The following COPZ1 variants were observed in gnomAD, a reference collection of about 807,000 sequenced individuals.
COPZ1 encodes coatomer subunit zeta-1.
Under a neutral mutation model 31.7 loss-of-function variants are expected in COPZ1, and 4 were observed. The ratio of observed to expected loss-of-function variants is 0.13; its 90% CI spans 0.06 to 0.29. The LOEUF (loss-of-function observed/expected upper bound fraction) is 0.29, where lower values mean the gene tolerates loss of function less well. Ranked by LOEUF, COPZ1 falls within the 10% of genes least tolerant of loss-of-function variation. The pLI is 1.00. For synonymous variants in COPZ1, 74 were observed against 79.0 expected, an observed-to-expected ratio of 0.94 and a Z score of 0.33; for missense variants, 156 against 211.5, an observed-to-expected ratio of 0.74 and a Z score of 1.63.
rs965324020 is a variant in COPZ1, at chr12:54,351,648, C to T, written c.*1125C>T. On this transcript the variant is annotated 3_prime_UTR_variant, in exon 9 of 9. Coordinates refer to ENST00000262061, the MANE Select transcript of COPZ1 (RefSeq NM_016057.3). ...TCCCCTTGACCCAGAACTTCCTCCC[C>T]ACAAAAATGCCTTTAAAAACCTTCC... 3 of 152,284 alleles carry T rather than the reference C, an allele frequency of 2.0e-5. No individual in the cohort carries two copies. Among genetic ancestry groups the T allele is most frequent in the African/African-American group, 4.8e-5 (2 of 41,538 alleles). 9.4% of individuals were successfully genotyped at this position (152,284 alleles called of 1,614,324 possible). A position where few individuals can be genotyped will look rare whatever the true frequency, so the allele number is the denominator to read the frequency against.
chr12:54,333,242 C>T (rs976521238), intron 1 of COPZ1, among the ~76,000 whole-genome samples: 2 of 151,928 alleles, frequency 1.3e-5, no homozygotes, highest in African/African-American at 2.4e-5. Context: ...GACAGGGTTT[C>T]GCCATGTTGC....
At chr12:54,345,253 G>A (rs559792295) in intron 4 of COPZ1, among the ~76,000 whole-genome samples, 4 of 152,340 alleles carry the variant, frequency 2.6e-5, no homozygotes, top group African/African-American at 9.6e-5. Context: ...GCTAAAAGAT[G>A]TTGAATTGTG....
Position 54,350,731 on chromosome 12 carries a change from C to A in COPZ1, c.*208C>A. On this transcript the variant is annotated 3_prime_UTR_variant, in exon 9 of 9. Transcript: ENST00000262061. The stretch of plus-strand genomic sequence containing the variant: ...TCTTCTTGCAGTTCTGGGAGTAAAG[C>A]TCCCAGCATATTTAGATAATAGGGC... 1.7e-6 allele frequency: 1 copy of A among 595,080 alleles called. No homozygotes were observed. 36.9% of individuals were successfully genotyped at this position (595,080 alleles called of 1,614,324 possible). A position where few individuals can be genotyped will look rare whatever the true frequency, so the allele number is the denominator to read the frequency against.
In COPZ1 at chr12:54,350,520, G is replaced by T. The variant is rs573532743; in HGVS notation, c.531G>T (p.Arg177=). The change falls in exon 9 of 9, where the codon CGG becomes CGT. Residue 177 remains arginine (R), a synonymous_variant. Coordinates refer to ENST00000262061, the MANE Select transcript of COPZ1 (RefSeq NM_016057.3). The stretch of plus-strand genomic sequence containing the variant: ...AACAGATCAAGTGGTCACTCCTTCG[G>T]TGAAGACCTCACTGTTCCTGGCTCT... ...AKEQIKWSLL[R] 3 of 1,613,544 alleles carry T rather than the reference G, an allele frequency of 1.9e-6. No homozygotes were observed. Among genetic ancestry groups the T allele is most frequent in the Admixed American group, 1.7e-5 (1 of 60,020 alleles).
intron 1 of COPZ1, chr12:54,337,079 C>A: frequency 2.3e-6 from 1 of 427,456 alleles, no homozygotes; most frequent in Non-Finnish European, 4.5e-6. Context: ...TTTGCAGCAG[C>A]CTAGTTGCTT....
At chr12:54,330,266 G>A (rs760359622) in intron 1 of COPZ1, among the ~76,000 whole-genome samples, 1 of 152,134 alleles carries the variant, frequency 6.6e-6, no homozygotes, top group Non-Finnish European at 1.5e-5. Context: ...ATTGATTGAA[G>A]TTTAATTTAT....
intron 1 of COPZ1, among the ~76,000 whole-genome samples, chr12:54,333,135 C>T (rs1012582588): frequency 3.3e-5 from 5 of 152,150 alleles, no homozygotes; most frequent in Admixed American, 1.3e-4. Flanking sequence ...TCTCCATCTC[C>T]GGGGTTTAAG....
intron 1 of COPZ1, among the ~76,000 whole-genome samples, chr12:54,334,048 A>G (rs1953809202): frequency 6.6e-6 from 1 of 152,038 alleles, no homozygotes; most frequent in Non-Finnish European, 1.5e-5. Context: ...GTGAGCTGTG[A>G]TGGCACCACT....
intron 5 of COPZ1, among the ~76,000 whole-genome samples, chr12:54,345,860 G>C (rs1954052987): frequency 6.6e-6 from 1 of 151,830 alleles, no homozygotes. Flanking sequence ...GGGAGGCTGA[G>C]GCAGGCGAAT....
chr12:54,345,228 C>G, intron 4 of COPZ1: 3 of 491,916 alleles, frequency 6.1e-6, no homozygotes, highest in Non-Finnish European at 1.1e-5. Context: ...CAGGGAAGTT[C>G]TGTTTAAACT....
At chr12:54,338,834 G>C (rs1331710808) in intron 1 of COPZ1, among the ~76,000 whole-genome samples, 1 of 152,100 alleles carries the variant, frequency 6.6e-6, no homozygotes, top group East Asian at 1.9e-4. Flanking sequence ...AAAAGACTGG[G>C]TTCCTTTTAC....
intron 1 of COPZ1, among the ~76,000 whole-genome samples, chr12:54,326,415 C>A (rs909196694): frequency 6.7e-6 from 1 of 148,738 alleles, no homozygotes; most frequent in African/African-American, 2.5e-5. Context: ...GCTGGGATTA[C>A]AGGCGTGAGC....
chr12:54,345,658 G>A lies in COPZ1; in HGVS notation c.317+143G>A. ...GCAAAGGCTCCAGGGAGTTGATTTAGTTTTAGAAGTTGGGTTTTGCCGGGC... is the reference window on the plus strand; with the variant it reads ...GCAAAGGCTCCAGGGAGTTGATTTAATTTTAGAAGTTGGGTTTTGCCGGGC... On this transcript the variant is annotated intron_variant, in intron 5 of 8. Transcript: ENST00000262061. 6 of 659,978 alleles carry A rather than the reference G, an allele frequency of 9.1e-6. No individual in the cohort carries two copies. The South Asian group carries it at 1.2e-4, about 13-fold the overall frequency. 40.9% of individuals were successfully genotyped at this position (659,978 alleles called of 1,614,324 possible). A position where few individuals can be genotyped will look rare whatever the true frequency, so the allele number is the denominator to read the frequency against.
At chr12:54,334,109 A>C (rs1014079381) in intron 1 of COPZ1, among the ~76,000 whole-genome samples, 5 of 152,056 alleles carry the variant, frequency 3.3e-5, no homozygotes, top group Admixed American at 3.3e-4. Flanking sequence ...TAAATCTGAT[A>C]TAGGCTGGGC....
rs141057957 is a variant in COPZ1, at chr12:54,341,121, A to C, written c.87+506A>C. Among the ~76,000 whole-genome samples the C allele has an allele frequency of 2.5e-4, 38 of 152,304 alleles. No homozygotes were observed. In the East Asian group the frequency reaches 7.3e-3, roughly 29 times the overall value. On this transcript the variant is annotated intron_variant, in intron 2 of 8. Transcript: ENST00000262061. ...CCTCCTTTGTTGTCAGCATCAGATC[A>C]GGGAAAAGCTTTGAAACTTTGGTTC... is the stretch of plus-strand genomic sequence containing the variant.
intron 5 of COPZ1, chr12:54,346,711 C>T (rs546112771): frequency 9.0e-5 from 63 of 698,932 alleles, no homozygotes; most frequent in Admixed American, 3.0e-4. Context: ...AAAAAATTAG[C>T]CAGGTGTGGT....
chr12:54,347,873 G>A, intron 6 of COPZ1, 29 bp downstream of exon 6: 1 of 1,611,854 alleles, frequency 6.2e-7, no homozygotes, highest in South Asian at 1.1e-5. Context: ...CTTGATCTTG[G>A]GTGAGGTGGC....
At chr12:54,344,052 T>C (rs1180936693) in intron 4 of COPZ1, among the ~76,000 whole-genome samples, 1 of 152,254 alleles carries the variant, frequency 6.6e-6, no homozygotes, top group African/African-American at 2.4e-5. Context: ...AGTTATCTGA[T>C]GTGGTTCAAC....
chr12:54,326,291 C>T (rs1194770710), intron 1 of COPZ1, among the ~76,000 whole-genome samples: 1 of 150,908 alleles, frequency 6.6e-6, no homozygotes, highest in Admixed American at 6.7e-5. Flanking sequence ...AGGCGCTCGC[C>T]ACCACTCCCG....
Sources: allele counts gnomAD v4.1 joint callset (sites outside exome capture counted in the v4.1 genomes callset), GRCh38; gene constraint gnomAD v4.1.1; transcripts MANE v1.5; gene names NCBI Gene and HGNC (gene_info 2026-07-23, HGNC 2026-07-21).